The following ACAN variants were observed in gnomAD, a reference collection of about 807,000 sequenced individuals.
ACAN encodes the protein aggrecan.
A neutral mutation model predicts 169.1 loss-of-function variants in ACAN; 47 were observed. The ratio of observed to expected loss-of-function variants is 0.28; its 90% CI spans 0.22 to 0.35. The LOEUF (loss-of-function observed/expected upper bound fraction) is 0.35, where lower values mean the gene tolerates loss of function less well. Among genes scored for constraint, ACAN ranks in the 10% least tolerant of loss-of-function variants. ACAN has a pLI of 1.00. For synonymous variants in ACAN, 1,115 were observed against 1,112.2 expected (o/e 1.00, Z -0.05); for missense variants, 2,716 against 2,759.9 (o/e 0.98, Z 0.36).
chr15:88,808,484 G>A (rs1410571367), intron 1 of ACAN, among the ~76,000 whole-genome samples: 3 of 152,160 alleles, frequency 2.0e-5, no homozygotes, highest in African/African-American at 7.2e-5. Flanking sequence ...CAGTCTAATG[G>A]GGAAGACGGA....
intron 1 of ACAN, among the ~76,000 whole-genome samples, chr15:88,804,125 G>A (rs935351142): frequency 2.6e-5 from 4 of 152,200 alleles, no homozygotes; most frequent in African/African-American, 9.7e-5. Flanking sequence ...CTAGGGTCTG[G>A]AAAGACCCAT....
intron 1 of ACAN, among the ~76,000 whole-genome samples, chr15:88,809,699 C>T (rs1245907376): frequency 1.3e-5 from 2 of 152,154 alleles, no homozygotes; most frequent in South Asian, 2.1e-4. Flanking sequence ...GTTGCAGCAC[C>T]GGGCAGCTGC....
rs1897458650 is a variant in ACAN, at chr15:88,874,308, T to C, written c.7631-97T>C. On this transcript the variant is annotated intron_variant, in intron 18 of 18. Transcript: ENST00000560601. The surrounding 1 kb of genome is among the most constrained non-coding windows in gnomAD (Gnocchi z 7.3). ...AAAGCCTCAGGCGCCTGAGTCCTGGTTTCCACAAGGGAGAGAGGGTAGTCT... is the reference window on the plus strand; with the variant it reads ...AAAGCCTCAGGCGCCTGAGTCCTGGCTTCCACAAGGGAGAGAGGGTAGTCT... The C allele has an allele frequency of 7.8e-7, 1 of 1,277,350 alleles. No homozygotes were observed. Among genetic ancestry groups the C allele is most frequent in the African/African-American group, 1.5e-5 (1 of 67,436 alleles). The allele number at this position is 1,277,350 out of a possible 1,614,324, so 79.1% of individuals were successfully genotyped here. A position where few individuals can be genotyped will look rare whatever the true frequency, so the allele number is the denominator to read the frequency against.
intron 1 of ACAN, among the ~76,000 whole-genome samples, chr15:88,805,443 G>C (rs1009464712): frequency 6.6e-6 from 1 of 152,210 alleles, no homozygotes; most frequent in African/African-American, 2.4e-5. Flanking sequence ...TTGTCCAAAG[G>C]AAGAAGATAT....
chr15:88,830,540 C>A (rs988880530), intron 1 of ACAN, among the ~76,000 whole-genome samples: 1 of 151,648 alleles, frequency 6.6e-6, no homozygotes, highest in Non-Finnish European at 1.5e-5. Flanking sequence ...TTTTACTGTA[C>A]CTTTTGTATG....
At position 88,807,402 on chromosome 15, in the gene ACAN, G is replaced by A. The variant is rs555855576; in HGVS notation, c.-8+3593G>A. 1.2e-4 allele frequency among the ~76,000 whole-genome samples: 18 copies of A among 152,282 alleles called. No individual in the cohort carries two copies. In the South Asian group the frequency reaches 3.3e-3, roughly 28 times the overall value. On this transcript the variant is annotated intron_variant, in intron 1 of 18. Coordinates refer to ENST00000560601, the MANE Select transcript of ACAN (RefSeq NM_001369268.1). This position sits in a 1 kb window ranked among gnomAD's most constrained non-coding sequence, Gnocchi z 4.0. ...GTGTCCTGATGGTAGCCGCACTGCC[G>A]CCCTGATAACTTAAAGGAAGCCCCT...
intron 2 of ACAN, 53 bp downstream of exon 2, chr15:88,836,329 T>C: frequency 6.8e-7 from 1 of 1,479,008 alleles, no homozygotes; most frequent in Non-Finnish European, 9.4e-7. Context: ...GAGTAGTGGG[T>C]TTGAGTACTG....
chr15:88,863,551 T>C (rs1293736355), intron 13 of ACAN, among the ~76,000 whole-genome samples: 1 of 152,240 alleles, frequency 6.6e-6, no homozygotes, highest in Admixed American at 6.5e-5. Context: ...TCTAACCAGA[T>C]CTCACATCCA....
chr15:88,873,057 G>T lies in ACAN; in HGVS notation c.7447+32G>T, dbSNP rs1296324630. The T allele has an allele frequency of 1.9e-6, 3 of 1,604,656 alleles. No homozygotes were observed. Among genetic ancestry groups the T allele is most frequent in the Admixed American group, 1.7e-5 (1 of 58,628 alleles). On this transcript the variant is annotated intron_variant, in intron 17 of 18. Transcript: ENST00000560601. This position sits in a 1 kb window ranked among gnomAD's most constrained non-coding sequence, Gnocchi z 7.5. ...TGGCGCCTGGGAGGGGTCAGGGGAGGATAGGATCAAGACCTCCAGCTACAG... is the reference window on the plus strand; with the variant it reads ...TGGCGCCTGGGAGGGGTCAGGGGAGTATAGGATCAAGACCTCCAGCTACAG...
intron 1 of ACAN, among the ~76,000 whole-genome samples, chr15:88,825,263 C>A (rs564080806): frequency 1.3e-5 from 2 of 152,152 alleles, no homozygotes; most frequent in African/African-American, 4.8e-5. Flanking sequence ...GCTCCCACCC[C>A]CTCCAGCAGG....
chr15:88,862,414 G>A (rs2088308245), intron 13 of ACAN, among the ~76,000 whole-genome samples: 2 of 152,214 alleles, frequency 1.3e-5, no homozygotes, highest in Admixed American at 1.3e-4. Flanking sequence ...GATCACCCAT[G>A]TACAACATCT....
chr15:88,823,650 C>T (rs1896133226), intron 1 of ACAN, among the ~76,000 whole-genome samples: 1 of 152,146 alleles, frequency 6.6e-6, no homozygotes, highest in African/African-American at 2.4e-5. Context: ...CCATCCACGG[C>T]TGCAGCCACC....
intron 11 of ACAN, among the ~76,000 whole-genome samples, chr15:88,853,307 T>G (rs1030012277): frequency 1.3e-5 from 2 of 152,166 alleles, no homozygotes; most frequent in Non-Finnish European, 2.9e-5. Context: ...TATCATTTGC[T>G]CCATGTATTT....
At position 88,839,657 on chromosome 15, in the gene ACAN, G is replaced by T. The variant is rs1427632668; in HGVS notation, c.455-355G>T. On this transcript the variant is annotated intron_variant, in intron 3 of 18. Transcript: ENST00000560601. The surrounding 1 kb of genome is among the most constrained non-coding windows in gnomAD (Gnocchi z 4.5). ...TCCACTAGGGTGGCCCTGGGCTGAG[G>T]GTGCAGGGCATTCTGAGTGTCTGTT... is the stretch of plus-strand genomic sequence containing the variant. Among the ~76,000 whole-genome samples, 1 of 152,214 alleles carries T rather than the reference G, an allele frequency of 6.6e-6. No homozygotes were observed. The highest frequency in any genetic ancestry group is 2.4e-5 in the African/African-American group (1 of 41,452).
rs1038609709 is a variant in ACAN at position 88,873,240 on chromosome 15, G to A, written c.7447+215G>A. 2.6e-5 allele frequency among the ~76,000 whole-genome samples: 4 copies of A among 152,144 alleles called. No individual in the cohort carries two copies. Among genetic ancestry groups the A allele is most frequent in the East Asian group, 1.9e-4 (1 of 5,188 alleles). ...AAGGGCAAGCTCGCTGCCAGGGACC[G>A]TTTGCAGGGACAGCAAGCACATGAA... On this transcript the variant is annotated intron_variant, in intron 17 of 18. Coordinates refer to ENST00000560601, the MANE Select transcript of ACAN (RefSeq NM_001369268.1). This position sits in a 1 kb window ranked among gnomAD's most constrained non-coding sequence, Gnocchi z 7.5.
At chr15:88,822,618 G>A (rs1351159336) in intron 1 of ACAN, among the ~76,000 whole-genome samples, 2 of 152,020 alleles carry the variant, frequency 1.3e-5, no homozygotes, top group Non-Finnish European at 2.9e-5. Context: ...TGTATTTTTA[G>A]TAGAGACGGG....
At chr15:88,821,027 A>T (rs1896063027) in intron 1 of ACAN, among the ~76,000 whole-genome samples, 1 of 152,214 alleles carries the variant, frequency 6.6e-6, no homozygotes, top group Non-Finnish European at 1.5e-5. Flanking sequence ...AAAGCCCCTT[A>T]TAAAACTATC....
At chr15:88,806,802 C>G (rs1226849572) in intron 1 of ACAN, among the ~76,000 whole-genome samples, 2 of 152,128 alleles carry the variant, frequency 1.3e-5, no homozygotes, top group South Asian at 2.1e-4. Flanking sequence ...GCAGGGATGT[C>G]TAGCACCAGA....
rs371902718 is a variant in ACAN, at chr15:88,860,512, C to T, written c.6946+73C>T. The stretch of plus-strand genomic sequence containing the variant: ...GACTTCTTCATCCCCCAAAGGGTCC[C>T]CAGGTGGGAGGAGGCAACCAAGGTC... On this transcript the variant is annotated intron_variant, in intron 13 of 18. Transcript: ENST00000560601. The T allele has an allele frequency of 3.2e-3, 4,457 of 1,397,230 alleles. 32 individuals are homozygous for T. The highest frequency in any genetic ancestry group is 0.012 in the South Asian group (951 of 81,124). 86.6% of individuals were successfully genotyped at this position (1,397,230 alleles called of 1,614,324 possible). A position where few individuals can be genotyped will look rare whatever the true frequency, so the allele number is the denominator to read the frequency against.
Sources: allele counts gnomAD v4.1 joint callset (sites outside exome capture counted in the v4.1 genomes callset), GRCh38; gene constraint gnomAD v4.1.1; non-coding constraint Gnocchi (gnomAD v3.1); transcripts MANE v1.5; gene names NCBI Gene and HGNC (gene_info 2026-07-23, HGNC 2026-07-21).